Variants in CDC42BPA observed in about 807,000 individuals in gnomAD.
CDC42BPA encodes serine/threonine-protein kinase MRCK alpha.
Under a neutral mutation model 223.5 loss-of-function variants are expected in CDC42BPA, and 80 were observed. That is an observed-to-expected ratio of 0.36 (90% CI 0.30 to 0.43). The LOEUF is 0.43. Ranked by LOEUF, CDC42BPA falls within the 20% of genes least tolerant of loss-of-function variation. The pLI, the probability that CDC42BPA is intolerant of heterozygous loss-of-function variation, is 1.00. For missense variants in CDC42BPA, 1,743 were observed against 2,099.9 expected (o/e 0.83, Z 3.32); for synonymous variants, 694 against 718.6 (o/e 0.97, Z 0.55).
intron 34 of CDC42BPA, among the ~76,000 whole-genome samples, chr1:227,008,170 A>G (rs10799378): frequency 0.25 from 38,726 of 152,212 alleles, 5,013 homozygotes; most frequent in East Asian, 0.31. Flanking sequence ...TGGAAAATGA[A>G]TAGATTATAT....
intron 1 of CDC42BPA, among the ~76,000 whole-genome samples, chr1:227,291,234 CCT>C (rs1689639974): frequency 6.6e-6 from 1 of 151,992 alleles, no homozygotes; most frequent in Non-Finnish European, 1.5e-5. Flanking sequence ...ATCTGATAAC[CCT>C]GAGGGAAAAC....
At chr1:227,026,811 T>C (rs867537164) in intron 30 of CDC42BPA, among the ~76,000 whole-genome samples, 1 of 152,050 alleles carries the variant, frequency 6.6e-6, no homozygotes, top group African/African-American at 2.4e-5. Context: ...AGTATGAGAG[T>C]GTGTGTGGGT....
chr1:227,291,768 T>A (rs1450775620), intron 1 of CDC42BPA, among the ~76,000 whole-genome samples: 1 of 152,190 alleles, frequency 6.6e-6, no homozygotes, highest in Non-Finnish European at 1.5e-5. Flanking sequence ...CTATTAACCC[T>A]CAACATTTGT....
In CDC42BPA at chr1:226,991,614, C is replaced by T. The variant is rs1217824804; in HGVS notation, c.*2654G>A. ...TTACTTGCCATTGCAGTGGAAAAATCAAAGAGTGCCATGGTGCAATCCATG... is the reference window on the plus strand; with the variant it reads ...TTACTTGCCATTGCAGTGGAAAAATTAAAGAGTGCCATGGTGCAATCCATG... On this transcript the variant is annotated 3_prime_UTR_variant, in exon 37 of 37. Transcript: ENST00000366766. 6.6e-6 allele frequency: 1 copy of T among 152,072 alleles called. No homozygotes were observed. The highest frequency in any genetic ancestry group is 2.4e-5 in the African/African-American group (1 of 41,406). The allele number at this position is 152,072 out of a possible 1,614,324, so 9.4% of individuals were successfully genotyped here.
chr1:227,111,634 G>A (rs548142506), intron 14 of CDC42BPA, among the ~76,000 whole-genome samples: 2 of 152,002 alleles, frequency 1.3e-5, no homozygotes, highest in Admixed American at 6.5e-5. Flanking sequence ...ACAGGCGTGC[G>A]CACCATGCCT....
intron 5 of CDC42BPA, among the ~76,000 whole-genome samples, chr1:227,179,266 G>A (rs1667488287): frequency 6.6e-6 from 1 of 152,090 alleles, no homozygotes; most frequent in South Asian, 2.1e-4. Context: ...AGTAATGGTT[G>A]CAAATATCTG....
chr1:227,063,014 C>A lies in CDC42BPA; in HGVS notation c.2904+6763G>T, dbSNP rs896053026. Reference sequence around the variant, plus strand: ...GACAATACATTTTCTAAGCCAATACCATTTAAAGCTAATAATGATACTATC... The same window carrying A: ...GACAATACATTTTCTAAGCCAATACAATTTAAAGCTAATAATGATACTATC... On this transcript the variant is annotated intron_variant, in intron 21 of 36. Transcript: ENST00000366766. Among the ~76,000 whole-genome samples, 3 of 152,052 alleles carry A rather than the reference C, an allele frequency of 2.0e-5. No individual in the cohort carries two copies. In the East Asian group the frequency reaches 5.8e-4, roughly 29 times the overall value.
chr1:227,099,607 T>C (rs1684632340), intron 15 of CDC42BPA, among the ~76,000 whole-genome samples: 1 of 152,164 alleles, frequency 6.6e-6, no homozygotes, highest in Non-Finnish European at 1.5e-5. Flanking sequence ...TGTGGCCCCC[T>C]GTTGCCTCCT....
At position 227,112,852 on chromosome 1, in the gene CDC42BPA, C is replaced by T. The variant is rs760954062; in HGVS notation, c.1709G>A (p.Cys570Tyr). The T allele has an allele frequency of 1.2e-6, 2 of 1,614,090 alleles. No homozygotes were observed. Among genetic ancestry groups the T allele is most frequent in the Non-Finnish European group, 1.7e-6 (2 of 1,179,956 alleles). Residue 570 changes from cysteine (C) to tyrosine (Y), a missense_variant, in exon 13 of 37, where the codon TGT becomes TAT. Physicochemically the swap from Cys to Tyr is radical, Grantham distance 194. Transcript: ENST00000366766. ...NQSKELKDAH[C>Y]QRKLAMQEFM... ...TTCCTGCATGGCCAGTTTCCTCTGACAGTGTGCGTCTTTCAGCTCTTTGGA... is the reference window on the plus strand; with the variant it reads ...TTCCTGCATGGCCAGTTTCCTCTGATAGTGTGCGTCTTTCAGCTCTTTGGA...
chr1:227,310,594 A>C (rs1194704790), intron 1 of CDC42BPA, among the ~76,000 whole-genome samples: 1 of 152,106 alleles, frequency 6.6e-6, no homozygotes, highest in Non-Finnish European at 1.5e-5. Flanking sequence ...AGTGTGTAGA[A>C]GCTAGCTAGA....
chr1:227,014,420 T>C (rs1332148944), intron 34 of CDC42BPA, among the ~76,000 whole-genome samples: 1 of 152,110 alleles, frequency 6.6e-6, no homozygotes. Context: ...AATATTTTGA[T>C]ATTATTGGTA....
In CDC42BPA at chr1:227,080,247, CT is replaced by C. The variant is rs1272466433; in HGVS notation, c.2480+645del. 2.1e-5 allele frequency among the ~76,000 whole-genome samples: 3 copies of C among 144,554 alleles called. No individual in the cohort carries two copies. In the Admixed American group the frequency reaches 2.1e-4, roughly 10 times the overall value. The allele number at this position is 144,554 out of a possible 152,430, so 94.8% of individuals were successfully genotyped here. A position where few individuals can be genotyped will look rare whatever the true frequency, so the allele number is the denominator to read the frequency against. ...TAAAAAGTTAAGTTACCTATTTTTA[CT>C]TGGAAATACAGTCTTCATTAGATTC... is the stretch of plus-strand genomic sequence containing the variant. On this transcript the variant is annotated intron_variant, in intron 17 of 36. Transcript: ENST00000366766.
At chr1:227,206,065 T>G (rs1248218576) in intron 3 of CDC42BPA, among the ~76,000 whole-genome samples, 2 of 152,160 alleles carry the variant, frequency 1.3e-5, no homozygotes, top group African/African-American at 4.8e-5. Flanking sequence ...AAAATGTTTT[T>G]AAAAGGTTTT....
At chr1:227,200,050 G>A (rs1243406760) in intron 3 of CDC42BPA, among the ~76,000 whole-genome samples, 1 of 152,036 alleles carries the variant, frequency 6.6e-6, no homozygotes, top group East Asian at 1.9e-4. Flanking sequence ...TTTCTCCCCT[G>A]CTGTAATAAT....
At chr1:227,031,201 G>T in intron 28 of CDC42BPA, 97 bp downstream of exon 28, 2 of 869,628 alleles carry the variant, frequency 2.3e-6, no homozygotes, top group Non-Finnish European at 3.8e-6. Context: ...TGCACAGTAT[G>T]TTGGACACTG....
chr1:227,022,685 G>T (rs1053207400), intron 32 of CDC42BPA, among the ~76,000 whole-genome samples: 2 of 152,196 alleles, frequency 1.3e-5, no homozygotes, highest in South Asian at 4.1e-4. Flanking sequence ...GGCATTTTAT[G>T]TGTGGTATGT....
intron 2 of CDC42BPA, among the ~76,000 whole-genome samples, chr1:227,233,084 G>A (rs1348354355): frequency 6.6e-6 from 1 of 152,226 alleles, no homozygotes; most frequent in African/African-American, 2.4e-5. Context: ...ATGTCCTGGT[G>A]TGCCATGTGC....
chr1:227,031,579 T>C, intron 27 of CDC42BPA, 65 bp from the exon 28 acceptor site: 2 of 1,318,224 alleles, frequency 1.5e-6, no homozygotes, highest in South Asian at 2.5e-5. Flanking sequence ...AGTTTCATGA[T>C]TATGTTAGTT....
At chr1:227,160,682 T>G in intron 5 of CDC42BPA, 46 bp from the exon 6 acceptor site, 7 of 1,034,356 alleles carry the variant, frequency 6.8e-6, no homozygotes, top group Non-Finnish European at 8.8e-6. Flanking sequence ...AATAAACAAT[T>G]CATTGTTTGG....
Sources: gnomAD v4.1 joint callset for allele counts (sites outside exome capture counted in the v4.1 genomes callset) on GRCh38, gnomAD v4.1.1 for gene constraint, MANE v1.5 for transcripts, NCBI Gene and HGNC (gene_info 2026-07-23, HGNC 2026-07-21) for gene names.